OPHN1: variants seen among roughly 807,000 people sequenced by gnomAD.
OPHN1 encodes oligophrenin 1, also known as oligophrenin-1.
OPHN1 carries 11 observed loss-of-function variants against 60.7 expected under a neutral mutation model. The ratio of observed to expected loss-of-function variants is 0.18; its 90% CI spans 0.11 to 0.30. The LOEUF (loss-of-function observed/expected upper bound fraction) is 0.30, where lower values mean the gene tolerates loss of function less well. OPHN1 is among the 10% of genes least tolerant of loss of function. The pLI, the probability that OPHN1 is intolerant of heterozygous loss-of-function variation, is 1.00. For missense variants in OPHN1, 449 were observed against 611.0 expected (o/e 0.73, Z 2.80); for synonymous variants, 226 against 222.6 (o/e 1.02, Z -0.14).
chrX:68,358,213 C>T (rs952094907), intron 2 of OPHN1, among the ~76,000 whole-genome samples: 4 of 109,759 alleles, frequency 3.6e-5, no homozygotes, highest in Non-Finnish European at 5.7e-5. Context: ...CACAACTACT[C>T]GAGAGGCTGA....
chrX:68,239,153 T>TA (rs1178772653), intron 5 of OPHN1, among the ~76,000 whole-genome samples: 1 of 111,098 alleles, frequency 9.0e-6, no homozygotes, highest in Non-Finnish European at 1.9e-5. Flanking sequence ...CTCCTGCCTC[T>TA]CCTCTGACCG....
chrX:68,357,348 C>G (rs1420485742), intron 2 of OPHN1, among the ~76,000 whole-genome samples: 1 of 111,211 alleles, frequency 9.0e-6, no homozygotes, highest in Admixed American at 9.7e-5. Context: ...GTGTGCTGCA[C>G]CCATTAACTT....
At chrX:68,329,342 T>TA (rs2078283665) in intron 2 of OPHN1, among the ~76,000 whole-genome samples, 1 of 112,517 alleles carries the variant, frequency 8.9e-6, no homozygotes, top group South Asian at 3.7e-4. Flanking sequence ...ACAATGCTCA[T>TA]AATCTGAGTA....
chrX:68,387,116 T>C (rs779055690), intron 2 of OPHN1, among the ~76,000 whole-genome samples: 7 of 111,474 alleles, frequency 6.3e-5, no homozygotes, highest in Admixed American at 2.9e-4. Context: ...TCATTTCAAA[T>C]AGGCATCTCA....
chrX:68,343,529 G>A (rs5965552), intron 2 of OPHN1, among the ~76,000 whole-genome samples: 8,986 of 110,557 alleles, frequency 0.081, 913 homozygotes, highest in African/African-American at 0.28. Context: ...CAGAAAATAA[G>A]TGAGTGATTG....
At chrX:68,150,011 C>T (rs376661108) in intron 15 of OPHN1, among the ~76,000 whole-genome samples, 1 of 111,608 alleles carries the variant, frequency 9.0e-6, no homozygotes, top group East Asian at 2.8e-4. Context: ...ATGGACAAAA[C>T]TCATAAACAT....
At chrX:68,233,524 T>C (rs948018133) in intron 6 of OPHN1, among the ~76,000 whole-genome samples, 6 of 111,585 alleles carry the variant, frequency 5.4e-5, no homozygotes, top group Admixed American at 4.8e-4. Flanking sequence ...TACGGCTCTG[T>C]CACTTTCCCC....
At chrX:68,241,892 G>T (rs2147533601) in intron 5 of OPHN1, among the ~76,000 whole-genome samples, 1 of 111,197 alleles carries the variant, frequency 9.0e-6, no homozygotes, top group African/African-American at 3.3e-5. Flanking sequence ...TTGCACTCCA[G>T]TCTGGGCAAC....
At chrX:68,106,692 G>A (rs1327482869) in intron 18 of OPHN1, among the ~76,000 whole-genome samples, 1 of 111,534 alleles carries the variant, frequency 9.0e-6, no homozygotes, top group Non-Finnish European at 1.9e-5. Flanking sequence ...GCTAAGGTCA[G>A]TTTGGTTCTG....
intron 19 of OPHN1, among the ~76,000 whole-genome samples, chrX:68,091,732 C>T (rs1482795204): frequency 5.4e-5 from 6 of 110,955 alleles, no homozygotes; most frequent in Non-Finnish European, 1.1e-4. Context: ...CCCACTAATT[C>T]CTGGCAGCTC....
intron 3 of OPHN1, among the ~76,000 whole-genome samples, chrX:68,284,462 C>T (rs1347906271): frequency 9.0e-6 from 1 of 110,745 alleles, no homozygotes; most frequent in Non-Finnish European, 1.9e-5. Context: ...GCCATGCTTC[C>T]TATACAGCCT....
At chrX:68,371,674 G>C (rs1014941966) in intron 2 of OPHN1, among the ~76,000 whole-genome samples, 1 of 112,245 alleles carries the variant, frequency 8.9e-6, no homozygotes, top group African/African-American at 3.2e-5. Flanking sequence ...ATACAGGTTT[G>C]TGTCAATACA....
intron 2 of OPHN1, among the ~76,000 whole-genome samples, chrX:68,321,251 G>A (rs1029084219): frequency 7.2e-5 from 8 of 111,382 alleles, no homozygotes; most frequent in African/African-American, 2.6e-4. Flanking sequence ...CCAGGCATGG[G>A]TCCATTATTA....
At chrX:68,172,924 T>G (rs1404292870) in intron 15 of OPHN1, among the ~76,000 whole-genome samples, 1 of 111,254 alleles carries the variant, frequency 9.0e-6, no homozygotes, top group African/African-American at 3.3e-5. Context: ...TTCCTTAATG[T>G]GTTCCCTCCA....
At chrX:68,114,240 C>A in intron 16 of OPHN1, among the ~76,000 whole-genome samples, 1 of 111,304 alleles carries the variant, frequency 9.0e-6, no homozygotes, top group Non-Finnish European at 1.9e-5. Flanking sequence ...AAGTGATTTA[C>A]ATGTATTAAC....
At chrX:68,213,410 T>A (rs28489772) in intron 7 of OPHN1, among the ~76,000 whole-genome samples, 6,299 of 110,090 alleles carry the variant, frequency 0.057, 447 homozygotes, top group African/African-American at 0.2. Flanking sequence ...GTAAATGGAA[T>A]GAAAAAACGT....
intron 2 of OPHN1, among the ~76,000 whole-genome samples, chrX:68,357,630 A>C (rs2078448715): frequency 9.0e-6 from 1 of 110,647 alleles, no homozygotes. Flanking sequence ...TATGTGCCAC[A>C]TTTTCTTAAT....
At chrX:68,423,538 T>C (rs1282544717) in intron 2 of OPHN1, among the ~76,000 whole-genome samples, 1 of 110,362 alleles carries the variant, frequency 9.1e-6, no homozygotes, top group Non-Finnish European at 1.9e-5. Flanking sequence ...TTAAAAAATG[T>C]TCATGACCCC....
intron 8 of OPHN1, among the ~76,000 whole-genome samples, chrX:68,210,842 T>C (rs1370084611): frequency 8.9e-6 from 1 of 111,776 alleles, no homozygotes. Context: ...TAAAACACAA[T>C]GGTAAGACAT....
Sources: allele counts gnomAD v4.1 joint callset (sites outside exome capture counted in the v4.1 genomes callset), GRCh38; gene constraint gnomAD v4.1.1; transcripts MANE v1.5; gene names NCBI Gene and HGNC (gene_info 2026-07-23, HGNC 2026-07-21).